EXOC6: variants seen among roughly 807,000 people sequenced by gnomAD.
The protein encoded by EXOC6 is SEC15-like 1.
Under a neutral mutation model 112.5 loss-of-function variants are expected in EXOC6, and 60 were observed. The ratio of observed to expected loss-of-function variants is 0.53; its 90% confidence interval spans 0.43 to 0.66. The LOEUF is 0.66. Among genes scored for constraint, EXOC6 ranks in the 30% least tolerant of loss-of-function variants. EXOC6 has a pLI of 0.00. For missense variants in EXOC6, 855 were observed against 957.1 expected (o/e 0.89, Z 1.41); for synonymous variants, 295 against 308.0 (o/e 0.96, Z 0.44).
At chr10:93,022,876 G>A (rs1488771684) in intron 20 of EXOC6, among the ~76,000 whole-genome samples, 1 of 151,766 alleles carries the variant, frequency 6.6e-6, no homozygotes, top group Non-Finnish European at 1.5e-5. Context: ...ACTTCATAAA[G>A]CTATTTCATA....
intron 1 of EXOC6, among the ~76,000 whole-genome samples, chr10:92,842,893 C>T (rs1357890613): frequency 6.6e-6 from 1 of 151,976 alleles, no homozygotes; most frequent in Non-Finnish European, 1.5e-5. Context: ...ATGTAGATTC[C>T]TTTTTCAAAA....
At chr10:92,948,118 G>A in intron 13 of EXOC6, 156 bp from the exon 14 acceptor site, 1 of 506,514 alleles carries the variant, frequency 2.0e-6, no homozygotes, top group Non-Finnish European at 3.5e-6. Flanking sequence ...TTGAATTTTA[G>A]AATTCTGGAT....
chr10:92,952,943 T>C (rs1275865750), intron 15 of EXOC6, among the ~76,000 whole-genome samples: 2 of 152,196 alleles, frequency 1.3e-5, no homozygotes, highest in East Asian at 1.9e-4. Context: ...TCTTTACTAT[T>C]GTGAATAGTG....
intron 20 of EXOC6, among the ~76,000 whole-genome samples, chr10:93,020,248 A>G (rs1029719746): frequency 6.6e-6 from 1 of 152,200 alleles, no homozygotes; most frequent in Non-Finnish European, 1.5e-5. Flanking sequence ...ATCACTAAAA[A>G]TTAAAACTGC....
intron 20 of EXOC6, among the ~76,000 whole-genome samples, chr10:93,044,350 A>G (rs1845913095): frequency 6.6e-6 from 1 of 152,224 alleles, no homozygotes; most frequent in Non-Finnish European, 1.5e-5. Context: ...AACTAAATGC[A>G]CATCTTTTTT....
chr10:92,830,873 G>C (rs574712098), upstream of EXOC6, among the ~76,000 whole-genome samples: 14 of 152,234 alleles, frequency 9.2e-5, no homozygotes, highest in East Asian at 2.7e-3. Flanking sequence ...AGTCACACAC[G>C]CCATTCTTTT....
intron 14 of EXOC6, among the ~76,000 whole-genome samples, chr10:92,948,682 T>C (rs969985216): frequency 2.6e-5 from 4 of 151,728 alleles, no homozygotes; most frequent in Non-Finnish European, 5.9e-5. Context: ...TTGCCCCAAA[T>C]GTTAGGTGGA....
intron 20 of EXOC6, among the ~76,000 whole-genome samples, chr10:93,052,567 A>G (rs1846349057): frequency 1.3e-5 from 2 of 152,114 alleles, no homozygotes; most frequent in Admixed American, 6.5e-5. Context: ...GTATTTTTGA[A>G]TCCTTGGTGA....
At chr10:93,028,570 C>A (rs1370938391) in intron 20 of EXOC6, among the ~76,000 whole-genome samples, 1 of 152,140 alleles carries the variant, frequency 6.6e-6, no homozygotes, top group South Asian at 2.1e-4. Flanking sequence ...TGCGGTGGCT[C>A]AGGCCTGTAA....
chr10:92,983,122 T>G (rs1842883897), intron 18 of EXOC6, among the ~76,000 whole-genome samples: 1 of 152,228 alleles, frequency 6.6e-6, no homozygotes, highest in Non-Finnish European at 1.5e-5. Context: ...TAACCGCTAT[T>G]GTGAAAGCAG....
At position 92,967,904 on chromosome 10, in the gene EXOC6, C is replaced by A. The variant is rs539979105; in HGVS notation, c.1774-6149C>A. The stretch of plus-strand genomic sequence containing the variant: ...TTGTGTAGTGAACTATATTCATCTG[C>A]TTAGATTCAGTAAATGTAGTGAGAC... On this transcript the variant is annotated intron_variant, in intron 17 of 21. Transcript: ENST00000260762. Among the ~76,000 whole-genome samples the A allele has an allele frequency of 2.6e-4, 39 of 152,222 alleles. 2 individuals carry two copies. In the South Asian group the frequency reaches 8.1e-3, roughly 32 times the overall value.
At chr10:92,967,237 T>A (rs1842107668) in intron 17 of EXOC6, among the ~76,000 whole-genome samples, 1 of 152,156 alleles carries the variant, frequency 6.6e-6, no homozygotes, top group Non-Finnish European at 1.5e-5. Flanking sequence ...CATTTGTAGG[T>A]TGCCTGTTCA....
intron 1 of EXOC6, among the ~76,000 whole-genome samples, chr10:92,865,867 A>G (rs1848150103): frequency 6.6e-6 from 1 of 152,142 alleles, no homozygotes; most frequent in African/African-American, 2.4e-5. Flanking sequence ...AGTGAGAGAA[A>G]AGAAAATGTT....
chr10:92,917,675 A>G (rs1006649356), intron 7 of EXOC6, among the ~76,000 whole-genome samples: 1 of 151,842 alleles, frequency 6.6e-6, no homozygotes, highest in African/African-American at 2.4e-5. Flanking sequence ...AAAGCACACT[A>G]TCACCATGCC....
At position 92,915,849 on chromosome 10, in the gene EXOC6, C is replaced by A; in HGVS notation, c.755C>A (p.Pro252Gln). ...ATGTATATAAATCGTGATAGAATTC[C>A]AGAGGAAAGGAATGAAACTGTATTG... ...KNMYINRDRI[P>Q]EERNETVLKH... Residue 252 changes from proline (P) to glutamine (Q), a missense_variant, in exon 7 of 22, where the codon CCA (proline) becomes CAA (glutamine). Transcript: ENST00000260762. 6.4e-7 allele frequency: 1 copy of A among 1,552,128 alleles called. No homozygotes were observed. Among genetic ancestry groups the A allele is most frequent in the East Asian group, 2.5e-5 (1 of 40,764 alleles).
chr10:92,837,430 G>T (rs1443612251), intron 1 of EXOC6, among the ~76,000 whole-genome samples: 3 of 152,190 alleles, frequency 2.0e-5, no homozygotes, highest in African/African-American at 7.2e-5. Flanking sequence ...TAGCACTTTG[G>T]GAGGCTGAGG....
intron 1 of EXOC6, among the ~76,000 whole-genome samples, chr10:92,859,805 G>A (rs1426759735): frequency 2.7e-5 from 4 of 145,698 alleles, no homozygotes; most frequent in Non-Finnish European, 6.0e-5. Flanking sequence ...CTGTGTGTGT[G>A]TGCACGTTTG....
At chr10:92,897,760 G>A (rs1433713078) in intron 4 of EXOC6, among the ~76,000 whole-genome samples, 1 of 152,144 alleles carries the variant, frequency 6.6e-6, no homozygotes, top group Non-Finnish European at 1.5e-5. Context: ...GGCTGATCAA[G>A]GACTCAAAAG....
intron 18 of EXOC6, among the ~76,000 whole-genome samples, chr10:92,994,593 A>C (rs961979329): frequency 1.3e-5 from 2 of 152,128 alleles, no homozygotes; most frequent in Admixed American, 6.5e-5. Context: ...AGGTGCTTGA[A>C]ATTTATTAAA....
Sources: gnomAD v4.1 joint callset for allele counts (sites outside exome capture counted in the v4.1 genomes callset) on GRCh38, gnomAD v4.1.1 for gene constraint, MANE v1.5 for transcripts, NCBI Gene and HGNC (gene_info 2026-07-23, HGNC 2026-07-21) for gene names.